The following CHN2 variants were observed in gnomAD, a reference collection of about 807,000 sequenced individuals.
CHN2 encodes beta-chimaerin.
A neutral mutation model predicts 56.3 loss-of-function variants in CHN2; 35 were observed. That is an observed-to-expected ratio of 0.62 (90% CI 0.47 to 0.82). CHN2 has a LOEUF of 0.82. Among genes scored for constraint, CHN2 ranks in the 40% least tolerant of loss-of-function variants. The pLI is 0.00. For synonymous variants in CHN2, 210 were observed against 212.8 expected (o/e 0.99, Z 0.12); for missense variants, 491 against 580.5 (o/e 0.85, Z 1.58).
At chr7:29,414,083 T>C (rs1261077877) in intron 6 of CHN2, among the ~76,000 whole-genome samples, 1 of 152,228 alleles carries the variant, frequency 6.6e-6, no homozygotes, top group African/African-American at 2.4e-5. Context: ...TAAAGCTCTG[T>C]ATACCTTTAC....
intron 1 of CHN2, among the ~76,000 whole-genome samples, chr7:29,204,437 C>A (rs551266909): frequency 1.3e-5 from 2 of 152,250 alleles, no homozygotes; most frequent in East Asian, 3.9e-4. Flanking sequence ...CATTCAAATT[C>A]TCTTTATTAC....
rs192086849 is a variant in CHN2 at position 29,386,892 on chromosome 7, A to C, written c.145-6787A>C. ...GATTTTAAGGTCTCGAGTCCTAGCA[A>C]AGAAAACTGAAGACCATTCAGATAA... On this transcript the variant is annotated intron_variant, in intron 3 of 12. Coordinates refer to ENST00000222792, the MANE Select transcript of CHN2 (RefSeq NM_004067.4). Among the ~76,000 whole-genome samples, 35 of 152,338 alleles carry C rather than the reference A, an allele frequency of 2.3e-4. No individual in the cohort carries two copies. The East Asian group carries it at 6.7e-3, about 29-fold the overall frequency.
intron 6 of CHN2, chr7:29,479,702 G>A: frequency 1.9e-6 from 2 of 1,055,730 alleles, no homozygotes; most frequent in Non-Finnish European, 2.3e-6. Context: ...GCTGGGGGGT[G>A]TGTGCGCTGG....
At chr7:29,288,089 A>G (rs998597419) in intron 1 of CHN2, among the ~76,000 whole-genome samples, 1 of 152,178 alleles carries the variant, frequency 6.6e-6, no homozygotes, top group African/African-American at 2.4e-5. Flanking sequence ...AAATAAATAT[A>G]TTAGTATATT....
At chr7:29,358,256 G>T (rs1798460700) in intron 2 of CHN2, among the ~76,000 whole-genome samples, 1 of 152,004 alleles carries the variant, frequency 6.6e-6, no homozygotes, top group African/African-American at 2.4e-5. Flanking sequence ...GTCTTAACCA[G>T]GCATGGTGGC....
intron 4 of CHN2, among the ~76,000 whole-genome samples, chr7:29,395,384 A>G (rs1189321875): frequency 1.3e-5 from 2 of 152,146 alleles, no homozygotes; most frequent in Non-Finnish European, 2.9e-5. Context: ...TTACCTAGGC[A>G]TGGTGGCACA....
At chr7:29,392,684 G>A (rs1313248512) in intron 3 of CHN2, among the ~76,000 whole-genome samples, 1 of 152,140 alleles carries the variant, frequency 6.6e-6, no homozygotes, top group Admixed American at 6.5e-5. Context: ...TGCATCCCTT[G>A]GAGGATGGAG....
intron 2 of CHN2, among the ~76,000 whole-genome samples, chr7:29,168,748 T>C (rs1217062446): frequency 6.6e-6 from 1 of 152,236 alleles, no homozygotes; most frequent in African/African-American, 2.4e-5. Flanking sequence ...AAAACTATTT[T>C]TCCATTATAT....
At chr7:29,474,663 C>T (rs1786440278) in intron 6 of CHN2, among the ~76,000 whole-genome samples, 1 of 151,936 alleles carries the variant, frequency 6.6e-6, no homozygotes, top group African/African-American at 2.4e-5. Context: ...AAGATTCAGA[C>T]TCAATAAACA....
At chr7:29,190,375 G>T (rs980229405), upstream of CHN2, among the ~76,000 whole-genome samples, 2 of 152,152 alleles carry the variant, frequency 1.3e-5, no homozygotes, top group African/African-American at 4.8e-5. Context: ...TTCATTCTGT[G>T]TTTAGCACAG....
At chr7:29,360,743 TAGAA>T (rs1443336508) in intron 2 of CHN2, among the ~76,000 whole-genome samples, 7 of 152,170 alleles carry the variant, frequency 4.6e-5, no homozygotes, top group Admixed American at 4.6e-4. Context: ...ATACCCTCCT[TAGAA>T]AGAAGTAGAC....
chr7:29,355,105 A>C (rs1356829304), intron 2 of CHN2, among the ~76,000 whole-genome samples: 1 of 151,858 alleles, frequency 6.6e-6, no homozygotes, highest in Non-Finnish European at 1.5e-5. Context: ...AGTAGCTGAG[A>C]TTACAGGCAT....
At chr7:29,387,950 C>A (rs542599409) in intron 3 of CHN2, among the ~76,000 whole-genome samples, 1 of 152,276 alleles carries the variant, frequency 6.6e-6, no homozygotes, top group East Asian at 1.9e-4. Flanking sequence ...CTCATTACTG[C>A]ATTAAGTGTT....
intron 1 of CHN2, among the ~76,000 whole-genome samples, chr7:29,286,727 T>G (rs1234932856): frequency 2.6e-5 from 4 of 152,156 alleles, no homozygotes; most frequent in Non-Finnish European, 5.9e-5. Flanking sequence ...ATTCCACAAT[T>G]CCTTTAGAGA....
At chr7:29,435,934 GA>G (rs1783191663) in intron 6 of CHN2, among the ~76,000 whole-genome samples, 1 of 144,508 alleles carries the variant, frequency 6.9e-6, no homozygotes, top group African/African-American at 2.6e-5. Flanking sequence ...TGGATCATGA[GA>G]AGGGGTGAAA....
At chr7:29,246,251 C>T (rs371008597) in intron 1 of CHN2, among the ~76,000 whole-genome samples, 4 of 152,112 alleles carry the variant, frequency 2.6e-5, no homozygotes, top group African/African-American at 9.7e-5. Context: ...CAGGCAGAAC[C>T]GGAGAGGTTC....
At chr7:29,306,211 C>T (rs1794151067) in intron 1 of CHN2, among the ~76,000 whole-genome samples, 1 of 152,134 alleles carries the variant, frequency 6.6e-6, no homozygotes, top group African/African-American at 2.4e-5. Context: ...TCTTTGGTCC[C>T]TAAACTGGTG....
Position 29,462,773 on chromosome 7 carries a change from A to T in CHN2, c.577-17506A>T, listed in dbSNP as rs576528831. On this transcript the variant is annotated intron_variant, in intron 6 of 12. Coordinates refer to ENST00000222792, the MANE Select transcript of CHN2 (RefSeq NM_004067.4). ...TTCCTCCATCATATTCTTTTTTTTT[A>T]AATTATTATACTTTAAGTTTTAGGG... 7.7e-3 allele frequency among the ~76,000 whole-genome samples: 1,168 copies of T among 151,874 alleles called. 12 individuals carry two copies. Among genetic ancestry groups the T allele is most frequent in the South Asian group, 0.018 (86 of 4,804 alleles).
chr7:29,220,710 T>G (rs905000555), intron 1 of CHN2, among the ~76,000 whole-genome samples: 1 of 152,222 alleles, frequency 6.6e-6, no homozygotes, highest in Admixed American at 6.5e-5. Flanking sequence ...AGCAATAAAT[T>G]CTTCCAAATG....
Sources: gnomAD v4.1 joint callset for allele counts (sites outside exome capture counted in the v4.1 genomes callset) on GRCh38, gnomAD v4.1.1 for gene constraint, MANE v1.5 for transcripts, NCBI Gene and HGNC (gene_info 2026-07-23, HGNC 2026-07-21) for gene names.